LRP1B: variants seen among roughly 807,000 people sequenced by gnomAD.
LRP1B encodes the protein LDL receptor related protein 1B.
LRP1B carries 217 observed loss-of-function variants against 556.6 expected under a neutral mutation model. The ratio of observed to expected loss-of-function variants is 0.39; its 90% CI spans 0.35 to 0.44. The LOEUF (loss-of-function observed/expected upper bound fraction) is 0.44. LRP1B is among the 20% of genes least tolerant of loss of function. The pLI, the probability that LRP1B is intolerant of heterozygous loss-of-function variation, is 1.00. For synonymous variants in LRP1B, 2,047 were observed against 1,865.8 expected, an observed-to-expected ratio of 1.10 and a Z score of -2.50; for missense variants, 5,053 against 5,620.8, an observed-to-expected ratio of 0.90 and a Z score of 3.23.
intron 41 of LRP1B, among the ~76,000 whole-genome samples, chr2:140,645,033 T>C (rs1471156887): frequency 6.6e-6 from 1 of 152,160 alleles, no homozygotes; most frequent in Non-Finnish European, 1.5e-5. Context: ...TTTCTAATTA[T>C]ATAGATTATT....
At chr2:140,826,718 G>A (rs1252613779) in intron 31 of LRP1B, among the ~76,000 whole-genome samples, 3 of 152,098 alleles carry the variant, frequency 2.0e-5, no homozygotes, top group Admixed American at 2.0e-4. Context: ...AGCTTCCCTA[G>A]CATCTTGGAT....
At chr2:141,327,727 C>T (rs2105484236) in intron 3 of LRP1B, among the ~76,000 whole-genome samples, 1 of 152,178 alleles carries the variant, frequency 6.6e-6, no homozygotes, top group Non-Finnish European at 1.5e-5. Flanking sequence ...CTGCCTTTTC[C>T]TCTTTTCTAT....
chr2:140,676,750 A>T (rs1354386107), intron 41 of LRP1B, among the ~76,000 whole-genome samples: 2 of 152,200 alleles, frequency 1.3e-5, no homozygotes, highest in Non-Finnish European at 2.9e-5. Context: ...CCATCAATAA[A>T]TGACTTACTC....
intron 6 of LRP1B, among the ~76,000 whole-genome samples, chr2:141,207,252 G>A (rs900819190): frequency 1.3e-5 from 2 of 152,146 alleles, no homozygotes; most frequent in East Asian, 1.9e-4. Flanking sequence ...CTGACATATC[G>A]ACATTAGAAA....
intron 51 of LRP1B, among the ~76,000 whole-genome samples, chr2:140,512,076 T>C (rs1689687845): frequency 6.6e-6 from 1 of 152,192 alleles, no homozygotes; most frequent in Non-Finnish European, 1.5e-5. Flanking sequence ...TACTGCCATA[T>C]TATCACTTTA....
At position 140,909,723 on chromosome 2, in the gene LRP1B, T is replaced by C. The variant is rs137990259; in HGVS notation, c.3320-1646A>G. Among the ~76,000 whole-genome samples the C allele has an allele frequency of 4.1e-3, 617 of 151,034 alleles. 4 individuals carry two copies. Among genetic ancestry groups the C allele is most frequent in the Non-Finnish European group, 6.0e-3 (406 of 67,550 alleles). ...GTGTCATTACACGTTGTTAATATAATCATATAATTATAAAATCAATTAAAA... is the reference window on the plus strand; with the variant it reads ...GTGTCATTACACGTTGTTAATATAACCATATAATTATAAAATCAATTAAAA... On this transcript the variant is annotated intron_variant, in intron 21 of 90. Transcript: ENST00000389484.
intron 1 of LRP1B, among the ~76,000 whole-genome samples, chr2:141,872,342 A>G (rs1698616661): frequency 6.6e-6 from 1 of 151,980 alleles, no homozygotes; most frequent in Non-Finnish European, 1.5e-5. Flanking sequence ...GGAAACTAAC[A>G]AAAGAAATCT....
At chr2:141,492,924 A>C (rs1683386352) in intron 2 of LRP1B, among the ~76,000 whole-genome samples, 1 of 152,162 alleles carries the variant, frequency 6.6e-6, no homozygotes, top group South Asian at 2.1e-4. Context: ...ATTAACTCTG[A>C]AAACGATTTT....
intron 6 of LRP1B, among the ~76,000 whole-genome samples, chr2:141,190,967 G>A (rs1558922382): frequency 6.6e-6 from 1 of 151,908 alleles, no homozygotes; most frequent in African/African-American, 2.4e-5. Context: ...CCTGGAGTAG[G>A]TCATAAGATC....
intron 41 of LRP1B, among the ~76,000 whole-genome samples, chr2:140,627,764 C>T (rs1290604738): frequency 6.6e-6 from 1 of 152,114 alleles, no homozygotes; most frequent in African/African-American, 2.4e-5. Flanking sequence ...TCCTGTCAAC[C>T]ACAGCTTTAG....
chr2:140,791,930 T>G (rs6735583), intron 32 of LRP1B, among the ~76,000 whole-genome samples: 39,370 of 152,114 alleles, frequency 0.26, 5,409 homozygotes, highest in South Asian at 0.33. Context: ...TACCTGAAAG[T>G]AGGGCGTAAA....
intron 60 of LRP1B, among the ~76,000 whole-genome samples, chr2:140,459,893 T>C (rs1035764323): frequency 6.6e-6 from 1 of 152,202 alleles, no homozygotes; most frequent in African/African-American, 2.4e-5. Flanking sequence ...CCTGCTGCCA[T>C]GTGAAGACAT....
At chr2:141,350,159 C>T (rs994220840) in intron 3 of LRP1B, among the ~76,000 whole-genome samples, 4 of 152,086 alleles carry the variant, frequency 2.6e-5, no homozygotes, top group African/African-American at 9.7e-5. Flanking sequence ...CCACTGAGTG[C>T]CTCCCACAAC....
At chr2:140,641,124 A>G (rs17808023) in intron 41 of LRP1B, among the ~76,000 whole-genome samples, 4,441 of 152,334 alleles carry the variant, frequency 0.029, 99 homozygotes, top group South Asian at 0.05. Flanking sequence ...TTCCACAAAA[A>G]TTGCCAGGCT....
At chr2:140,801,540 G>T (rs1325888115) in intron 32 of LRP1B, among the ~76,000 whole-genome samples, 1 of 151,790 alleles carries the variant, frequency 6.6e-6, no homozygotes, top group Non-Finnish European at 1.5e-5. Flanking sequence ...CACAATCCCA[G>T]AGCGTTCATC....
At chr2:140,708,137 T>C (rs1210535577) in intron 37 of LRP1B, among the ~76,000 whole-genome samples, 2 of 152,064 alleles carry the variant, frequency 1.3e-5, no homozygotes, top group African/African-American at 4.8e-5. Flanking sequence ...AAAATGCTGA[T>C]TAGAAATACT....
At chr2:142,090,833 C>A (rs553708193) in intron 1 of LRP1B, among the ~76,000 whole-genome samples, 11 of 151,994 alleles carry the variant, frequency 7.2e-5, no homozygotes, top group Non-Finnish European at 1.6e-4. Context: ...TATTACAGTT[C>A]AGTTATGTGC....
chr2:141,600,600 C>T (rs1559168044), intron 2 of LRP1B, among the ~76,000 whole-genome samples: 2 of 152,010 alleles, frequency 1.3e-5, no homozygotes, highest in African/African-American at 2.4e-5. Context: ...CAGAGCCAAC[C>T]CTCATGTTTC....
intron 41 of LRP1B, among the ~76,000 whole-genome samples, chr2:140,602,204 T>TA (rs11433115): frequency 0.24 from 35,879 of 150,706 alleles, 4,359 homozygotes; most frequent in East Asian, 0.3. Context: ...ACTAATGAGA[T>TA]AAAAAAAAAC....
Sources: gnomAD v4.1 joint callset for allele counts (sites outside exome capture counted in the v4.1 genomes callset) on GRCh38, gnomAD v4.1.1 for gene constraint, MANE v1.5 for transcripts, NCBI Gene and HGNC (gene_info 2026-07-23, HGNC 2026-07-21) for gene names.